ZBTB7C: variants seen among roughly 807,000 people sequenced by gnomAD.
ZBTB7C encodes zinc finger and BTB domain containing 7C.
ZBTB7C carries 8 observed loss-of-function variants against 25.7 expected under a neutral mutation model. That is an observed-to-expected ratio of 0.31 (90% CI 0.18 to 0.56). The LOEUF (loss-of-function observed/expected upper bound fraction) is 0.56, where lower values mean the gene tolerates loss of function less well. Ranked by LOEUF, ZBTB7C falls within the 20% of genes least tolerant of loss-of-function variation. The pLI is 0.91. For synonymous variants in ZBTB7C, 394 were observed against 369.0 expected, an observed-to-expected ratio of 1.07 and a Z score of -0.78; for missense variants, 824 against 855.2, an observed-to-expected ratio of 0.96 and a Z score of 0.46.
intron 2 of ZBTB7C, among the ~76,000 whole-genome samples, chr18:48,337,492 C>T (rs1415644270): frequency 6.6e-6 from 1 of 152,220 alleles, no homozygotes; most frequent in African/African-American, 2.4e-5. Flanking sequence ...TAGAGACTTG[C>T]TTGATGCTTC....
At chr18:48,400,372 T>C (rs2048128508) in intron 1 of ZBTB7C, among the ~76,000 whole-genome samples, 1 of 152,228 alleles carries the variant, frequency 6.6e-6, no homozygotes, top group South Asian at 2.1e-4. Flanking sequence ...CTGAAATGGC[T>C]CTTAAAGATA....
At chr18:48,119,869 C>T (rs1319235012) in intron 3 of ZBTB7C, among the ~76,000 whole-genome samples, 1 of 152,198 alleles carries the variant, frequency 6.6e-6, no homozygotes, top group African/African-American at 2.4e-5. Context: ...GGCTTGGGGT[C>T]AGGTACTTCA....
intron 3 of ZBTB7C, among the ~76,000 whole-genome samples, chr18:48,047,069 G>C (rs1256556125): frequency 6.6e-6 from 1 of 152,308 alleles, no homozygotes; most frequent in African/African-American, 2.4e-5. Flanking sequence ...TAACCTCAGT[G>C]GCAGGGATTG....
intron 3 of ZBTB7C, among the ~76,000 whole-genome samples, chr18:48,142,079 G>A (rs1181857813): frequency 3.3e-5 from 5 of 152,266 alleles, no homozygotes; most frequent in African/African-American, 1.2e-4. Flanking sequence ...ACCCAAATCT[G>A]TTAGTTGCCA....
chr18:48,271,183 T>A (rs778420305), intron 2 of ZBTB7C, among the ~76,000 whole-genome samples: 25 of 152,084 alleles, frequency 1.6e-4, no homozygotes, highest in Non-Finnish European at 3.4e-4. Context: ...TGGTTAATGT[T>A]TACCCAAAGC....
intron 1 of ZBTB7C, among the ~76,000 whole-genome samples, chr18:48,340,265 G>GC (rs1598906868): frequency 6.6e-6 from 1 of 152,172 alleles, no homozygotes; most frequent in East Asian, 1.9e-4. Context: ...AGTAACATAG[G>GC]CCAAAGGCCA....
chr18:48,316,482 C>T (rs564768889), intron 2 of ZBTB7C, among the ~76,000 whole-genome samples: 1 of 152,310 alleles, frequency 6.6e-6, no homozygotes, highest in East Asian at 1.9e-4. Flanking sequence ...GAAATGTGAC[C>T]CCCAGTGTTG....
chr18:48,179,487 G>A (rs1443756807), intron 3 of ZBTB7C, among the ~76,000 whole-genome samples: 1 of 152,130 alleles, frequency 6.6e-6, no homozygotes, highest in Non-Finnish European at 1.5e-5. Flanking sequence ...CAGGGCTGGT[G>A]GGATCAGACA....
At chr18:48,069,128 G>C (rs1003464925) in intron 3 of ZBTB7C, among the ~76,000 whole-genome samples, 2 of 152,222 alleles carry the variant, frequency 1.3e-5, no homozygotes, top group African/African-American at 4.8e-5. Flanking sequence ...GCAGGGCACA[G>C]AGTAGGTGCT....
At chr18:48,054,807 C>T (rs2036848547) in intron 3 of ZBTB7C, among the ~76,000 whole-genome samples, 1 of 152,118 alleles carries the variant, frequency 6.6e-6, no homozygotes, top group African/African-American at 2.4e-5. Flanking sequence ...CTATTTATAC[C>T]TGAGCCCAGT....
intron 3 of ZBTB7C, among the ~76,000 whole-genome samples, chr18:48,152,328 T>TA (rs557531548): frequency 8.3e-4 from 125 of 150,302 alleles, no homozygotes; most frequent in Middle Eastern, 6.8e-3. Context: ...TCTAAAATGT[T>TA]AAAAAAAAAA....
chr18:48,044,495 C>T (rs2036388908), intron 3 of ZBTB7C, among the ~76,000 whole-genome samples: 1 of 152,374 alleles, frequency 6.6e-6, no homozygotes, highest in Middle Eastern at 3.4e-3. Flanking sequence ...CTGCCATGCC[C>T]CAAGAAGGCT....
At chr18:48,251,740 CA>C (rs1222438176) in intron 2 of ZBTB7C, among the ~76,000 whole-genome samples, 2 of 152,190 alleles carry the variant, frequency 1.3e-5, no homozygotes, top group African/African-American at 2.4e-5. Flanking sequence ...GTGGACTATG[CA>C]AACGTCACAC....
chr18:48,058,759 G>A (rs1009270307), intron 3 of ZBTB7C, among the ~76,000 whole-genome samples: 10 of 152,218 alleles, frequency 6.6e-5, no homozygotes, highest in East Asian at 1.9e-4. Flanking sequence ...CTGCCATGGC[G>A]AGGCTATAAG....
intron 1 of ZBTB7C, among the ~76,000 whole-genome samples, chr18:48,355,314 C>T (rs1011220742): frequency 5.9e-5 from 9 of 152,164 alleles, no homozygotes; most frequent in African/African-American, 1.7e-4. Flanking sequence ...CAATGTCACA[C>T]GGACCAGCCA....
intron 3 of ZBTB7C, chr18:48,072,507 G>A (rs1425318885): frequency 6.6e-6 from 1 of 152,198 alleles, no homozygotes; most frequent in African/African-American, 2.4e-5. Flanking sequence ...CACTCCTGAA[G>A]GAGGGCCGCC....
At chr18:48,136,930 T>G in intron 3 of ZBTB7C, 3 of 831,004 alleles carry the variant, frequency 3.6e-6, no homozygotes, top group African/African-American at 1.8e-5. Context: ...CCCCACCCCC[T>G]CCCCACGGCC....
At chr18:48,161,177 C>T (rs1178989986) in intron 3 of ZBTB7C, among the ~76,000 whole-genome samples, 1 of 151,586 alleles carries the variant, frequency 6.6e-6, no homozygotes, top group African/African-American at 2.4e-5. Flanking sequence ...GGAGGGAGGG[C>T]CTCCTGGGCT....
intron 1 of ZBTB7C, chr18:48,350,670 T>G (rs1287299337): frequency 1.0e-5 from 1 of 95,572 alleles, no homozygotes; most frequent in African/African-American, 3.3e-5. Context: ...AAGGTGCCCT[T>G]CCACCCCTGT....
Sources: allele counts gnomAD v4.1 joint callset (sites outside exome capture counted in the v4.1 genomes callset), GRCh38; gene constraint gnomAD v4.1.1; transcripts MANE v1.5; gene names NCBI Gene and HGNC (gene_info 2026-07-23, HGNC 2026-07-21).